The following LRRIQ1 variants were observed in gnomAD, a reference collection of about 807,000 sequenced individuals.
LRRIQ1 encodes the protein leucine rich repeats and IQ motif containing 1.
In LRRIQ1, 210 loss-of-function variants were observed where a neutral mutation model predicts 211.9. That is an observed-to-expected ratio of 0.99 (90% CI 0.89 to 1.11). LRRIQ1 has a LOEUF of 1.11. Among genes scored for constraint, LRRIQ1 ranks in the 50% most tolerant of loss-of-function variants. The pLI, the probability that LRRIQ1 is intolerant of heterozygous loss-of-function variation, is 0.00. For synonymous variants in LRRIQ1, 699 were observed against 650.1 expected, an observed-to-expected ratio of 1.08 and a Z score of -1.14; for missense variants, 2,136 against 1,939.5, an observed-to-expected ratio of 1.10 and a Z score of -1.90.
At chr12:85,262,372 C>A (rs1028328283) in intron 1 of LRRIQ1, among the ~76,000 whole-genome samples, 1 of 152,010 alleles carries the variant, frequency 6.6e-6, no homozygotes, top group Non-Finnish European at 1.5e-5. Context: ...AAGACTGTTA[C>A]CTGTCCAGAG....
At chr12:85,055,320 G>T (rs1880858315) in intron 7 of LRRIQ1, among the ~76,000 whole-genome samples, 1 of 151,934 alleles carries the variant, frequency 6.6e-6, no homozygotes, top group African/African-American at 2.4e-5. Context: ...GGGTGGCTTA[G>T]AATACATGTA....
At chr12:85,162,689 C>T (rs1476180788) in intron 24 of LRRIQ1, 2 of 446,194 alleles carry the variant, frequency 4.5e-6, no homozygotes, top group Non-Finnish European at 8.9e-6. Context: ...TTCAAAGTGG[C>T]CTATAGAATA....
In LRRIQ1 at chr12:85,057,230, C is replaced by A. The variant is rs369913254; in HGVS notation, c.2391+46C>A. On this transcript the variant is annotated intron_variant, in intron 8 of 26. Coordinates refer to ENST00000393217, the MANE Select transcript of LRRIQ1 (RefSeq NM_001079910.2). ...ATTTTTCACATTTAATTACAATTAG[C>A]TCTTTAAAGTATAACTTTTCAGATC... is the stretch of plus-strand genomic sequence containing the variant. 214 of 1,226,694 alleles carry A rather than the reference C, an allele frequency of 1.7e-4. 3 individuals carry two copies. The African/African-American group carries it at 2.4e-3, about 14-fold the overall frequency. The allele number at this position is 1,226,694 out of a possible 1,614,324, so 76.0% of individuals were successfully genotyped here.
At chr12:85,202,392 C>T (rs1335282577) in intron 24 of LRRIQ1, among the ~76,000 whole-genome samples, 3 of 152,162 alleles carry the variant, frequency 2.0e-5, no homozygotes, top group Admixed American at 6.5e-5. Flanking sequence ...GTATTGAAGT[C>T]TCCCACTATT....
intron 24 of LRRIQ1, among the ~76,000 whole-genome samples, chr12:85,192,434 A>T (rs545629802): frequency 7.6e-6 from 1 of 131,104 alleles, no homozygotes; most frequent in African/African-American, 2.9e-5. Context: ...ATATATATTT[A>T]TATATAAATG....
At chr12:85,123,774 A>G (rs1225622644) in intron 16 of LRRIQ1, among the ~76,000 whole-genome samples, 2 of 152,162 alleles carry the variant, frequency 1.3e-5, no homozygotes, top group African/African-American at 4.8e-5. Context: ...TATGGTAATA[A>G]AAGCATGAAT....
intron 24 of LRRIQ1, among the ~76,000 whole-genome samples, chr12:85,169,179 G>T (rs1300787335): frequency 6.6e-6 from 1 of 152,114 alleles, no homozygotes; most frequent in Non-Finnish European, 1.5e-5. Context: ...GGAAAAGATA[G>T]TATCAGTAGA....
intron 24 of LRRIQ1, among the ~76,000 whole-genome samples, chr12:85,169,835 G>A (rs1312013154): frequency 3.3e-5 from 5 of 152,048 alleles, no homozygotes; most frequent in Admixed American, 2.0e-4. Flanking sequence ...TGTCAGAATG[G>A]TTTATTCTTA....
intron 6 of LRRIQ1, among the ~76,000 whole-genome samples, chr12:85,049,593 G>C (rs1880057566): frequency 6.6e-6 from 1 of 151,996 alleles, no homozygotes; most frequent in African/African-American, 2.4e-5. Flanking sequence ...TAAAACAAAA[G>C]AAAAATCGTG....
At chr12:85,119,444 G>A (rs909305578) in intron 15 of LRRIQ1, among the ~76,000 whole-genome samples, 2 of 152,062 alleles carry the variant, frequency 1.3e-5, no homozygotes, top group South Asian at 2.1e-4. Context: ...AAGTTTTGGC[G>A]ATTATGAATA....
At position 85,206,828 on chromosome 12, in the gene LRRIQ1, G is replaced by A. The variant is rs536956070; in HGVS notation, c.4823-22689G>A. 3.3e-5 allele frequency among the ~76,000 whole-genome samples: 5 copies of A among 152,144 alleles called. No individual in the cohort carries two copies. The South Asian group carries it at 8.3e-4, about 25-fold the overall frequency. ...CCCAGGGGAGGCCGGCAGACAGAGG[G>A]GAACTCAGGTCAAACGGGCCTCATC... is the stretch of plus-strand genomic sequence containing the variant. On this transcript the variant is annotated intron_variant, in intron 24 of 26. Transcript: ENST00000393217.
intron 26 of LRRIQ1, among the ~76,000 whole-genome samples, chr12:85,236,608 G>T (rs1471805828): frequency 6.6e-6 from 1 of 151,832 alleles, no homozygotes; most frequent in Non-Finnish European, 1.5e-5. Context: ...GTGTACAGTT[G>T]GTGAAAGTAG....
chr12:85,052,258 A>G lies in LRRIQ1; in HGVS notation c.753+7A>G, dbSNP rs1565788064. ...GAAATTTAAACAGCATGAGGTATCT[A>G]TTTGTTGTTTTTATTTAGCACATTA... On this transcript the variant is annotated splice_region_variant and intron_variant, in intron 7 of 26. Transcript: ENST00000393217. 9.9e-6 allele frequency: 14 copies of G among 1,407,072 alleles called. No homozygotes were observed. In the East Asian group the frequency reaches 2.2e-4, roughly 22 times the overall value. The allele number at this position is 1,407,072 out of a possible 1,614,324, so 87.2% of individuals were successfully genotyped here.
At chr12:85,047,547 G>T in intron 6 of LRRIQ1, 77 bp downstream of exon 6, 1 of 1,222,804 alleles carries the variant, frequency 8.2e-7, no homozygotes, top group Non-Finnish European at 1.2e-6. Flanking sequence ...GGATTGTGTT[G>T]CAGATTGAGC....
rs376473643 is a variant in LRRIQ1, at chr12:85,046,133, A to G, written c.450A>G (p.Leu150=). The change falls in exon 5 of 27, where the codon TTA becomes TTG. Residue 150 remains leucine, a synonymous_variant. Coordinates refer to ENST00000393217, the MANE Select transcript of LRRIQ1 (RefSeq NM_001079910.2). ...PHDLPMDEHV[L]PDDADINFGY... ...ACTTGCCTATGGATGAACATGTTTTACCAGGTGGACTAAATTGCTCAATGA... is the reference window on the plus strand; with the variant it reads ...ACTTGCCTATGGATGAACATGTTTTGCCAGGTGGACTAAATTGCTCAATGA... 5.7e-6 allele frequency: 9 copies of G among 1,568,846 alleles called. No individual in the cohort carries two copies. The African/African-American group carries it at 1.2e-4, about 21-fold the overall frequency.
chr12:85,221,794 A>G (rs1221302504), intron 24 of LRRIQ1, among the ~76,000 whole-genome samples: 1 of 152,222 alleles, frequency 6.6e-6, no homozygotes, highest in Non-Finnish European at 1.5e-5. Flanking sequence ...TATGGAAAAA[A>G]ACTTTGAATA....
At chr12:85,066,404 A>T (rs1882433842) in intron 9 of LRRIQ1, among the ~76,000 whole-genome samples, 2 of 151,876 alleles carry the variant, frequency 1.3e-5, no homozygotes, top group South Asian at 4.1e-4. Context: ...ATGGTGAGAC[A>T]GGGCCTGATT....
At chr12:85,201,021 G>C (rs1893264008) in intron 24 of LRRIQ1, among the ~76,000 whole-genome samples, 1 of 151,630 alleles carries the variant, frequency 6.6e-6, no homozygotes, top group South Asian at 2.1e-4. Context: ...AGTATAGACA[G>C]GGTTTCACCA....
chr12:85,115,525 A>G (rs915599605), intron 15 of LRRIQ1, among the ~76,000 whole-genome samples: 1 of 152,226 alleles, frequency 6.6e-6, no homozygotes, highest in African/African-American at 2.4e-5. Flanking sequence ...AACTTTTTAT[A>G]TAAAGGTGAT....
Sources: allele counts gnomAD v4.1 joint callset (sites outside exome capture counted in the v4.1 genomes callset), GRCh38; gene constraint gnomAD v4.1.1; transcripts MANE v1.5; gene names NCBI Gene and HGNC (gene_info 2026-07-23, HGNC 2026-07-21).